The following ADD1 variants were observed in gnomAD, a reference collection of about 807,000 sequenced individuals.
ADD1 encodes the protein adducin 1.
Under a neutral mutation model 80.5 loss-of-function variants are expected in ADD1, and 24 were observed. The observed-to-expected ratio is 0.30, with a 90% CI of 0.22 to 0.42. The LOEUF (loss-of-function observed/expected upper bound fraction) is 0.42. Ranked by LOEUF, ADD1 falls within the 10% of genes least tolerant of loss-of-function variation. The probability of loss-of-function intolerance (pLI) is 1.00; values close to 1 mark genes in which losing one functional copy is unlikely to be tolerated. For synonymous variants in ADD1, 373 were observed against 393.8 expected (o/e 0.95, Z 0.63); for missense variants, 948 against 1,019.0 (o/e 0.93, Z 0.95).
At chr4:2,916,765 T>G (rs762549530) in intron 14 of ADD1, among the ~76,000 whole-genome samples, 2 of 152,196 alleles carry the variant, frequency 1.3e-5, no homozygotes, top group South Asian at 2.1e-4. Context: ...AATCCCCACT[T>G]ATGAGTGAGA....
intron 6 of ADD1, among the ~76,000 whole-genome samples, chr4:2,897,210 C>G (rs1052827610): frequency 1.3e-4 from 20 of 151,880 alleles, no homozygotes; most frequent in Admixed American, 1.3e-3. Flanking sequence ...ATCTTTGAAG[C>G]CTGTTACTTT....
intron 9 of ADD1, among the ~76,000 whole-genome samples, chr4:2,904,095 A>G (rs981057339): frequency 6.6e-6 from 1 of 152,218 alleles, no homozygotes; most frequent in African/African-American, 2.4e-5. Context: ...TAACCTGCAC[A>G]GTGGCTGGCA....
At chr4:2,916,491 G>A (rs1236256198) in intron 14 of ADD1, among the ~76,000 whole-genome samples, 1 of 151,964 alleles carries the variant, frequency 6.6e-6, no homozygotes, top group Non-Finnish European at 1.5e-5. Flanking sequence ...ACTGCGCCCG[G>A]CCCTGAATAT....
intron 1 of ADD1, among the ~76,000 whole-genome samples, chr4:2,871,671 C>T (rs974245423): frequency 6.6e-6 from 1 of 152,216 alleles, no homozygotes; most frequent in African/African-American, 2.4e-5. Flanking sequence ...CTCTAACCTT[C>T]ATCCAGTGTC....
chr4:2,898,677 T>A, intron 8 of ADD1, 146 bp downstream of exon 8: 2 of 713,074 alleles, frequency 2.8e-6, no homozygotes, highest in Non-Finnish European at 4.9e-6. Context: ...TGGGACTTGA[T>A]CAGGACAAAT....
intron 4 of ADD1, among the ~76,000 whole-genome samples, chr4:2,890,685 G>A (rs73189458): frequency 0.15 from 22,351 of 152,114 alleles, 2,261 homozygotes; most frequent in East Asian, 0.48. Context: ...TGGGATTACA[G>A]GCATGAGCCA....
rs571026420 is a variant in ADD1 at position 2,871,964 on chromosome 4, A to G, written c.-20-3932A>G. The stretch of plus-strand genomic sequence containing the variant: ...ACATATTAGTTCTCAGATTTTAAGC[A>G]GAGGAGTGAGTGACATGATCTGACT... On this transcript the variant is annotated intron_variant, in intron 1 of 15. Transcript: ENST00000683351. Among the ~76,000 whole-genome samples the G allele has an allele frequency of 5.3e-5, 8 of 152,350 alleles. No individual in the cohort carries two copies. In the South Asian group the frequency reaches 1.7e-3, roughly 32 times the overall value.
At chr4:2,866,121 G>A (rs1729505778) in intron 1 of ADD1, among the ~76,000 whole-genome samples, 1 of 152,206 alleles carries the variant, frequency 6.6e-6, no homozygotes, top group African/African-American at 2.4e-5. Context: ...TTGTTTAAGA[G>A]TATGCTGATT....
rs185528365 is a variant in ADD1, at chr4:2,909,469, C to T, written c.1791+38C>T. 44 of 1,482,372 alleles carry T rather than the reference C, an allele frequency of 3.0e-5. No homozygotes were observed. The Middle Eastern group carries it at 2.2e-3, about 75-fold the overall frequency. The allele number at this position is 1,482,372 out of a possible 1,614,324, so 91.8% of individuals were successfully genotyped here. On this transcript the variant is annotated intron_variant, in intron 13 of 15. Coordinates refer to ENST00000683351, the MANE Select transcript of ADD1 (RefSeq NM_001354761.2). ...CTGTCCTCACTACCTGTCTATGCGC[C>T]TTGCTCCCCTCCCCTCCCCCCTCCC...
intron 1 of ADD1, among the ~76,000 whole-genome samples, chr4:2,874,106 C>T (rs148635071): frequency 1.4e-3 from 213 of 152,066 alleles, no homozygotes; most frequent in Admixed American, 3.6e-3. Context: ...CTCAGCTATG[C>T]AGGAGGCTGA....
Position 2,928,883 on chromosome 4 carries a change from C to T in ADD1, c.*360C>T, listed in dbSNP as rs1188100062. ...CCTGCCGTCCCTCCTGTTGTGAAAT[C>T]ACCACATTCTGTCTCTGCTTGGCTT... On this transcript the variant is annotated 3_prime_UTR_variant, in exon 16 of 16. Coordinates refer to ENST00000683351, the MANE Select transcript of ADD1 (RefSeq NM_001354761.2). 5.8e-5 allele frequency: 14 copies of T among 242,864 alleles called. No individual in the cohort carries two copies. Among genetic ancestry groups the T allele is most frequent in the African/African-American group, 3.2e-4 (14 of 43,342 alleles). 15.0% of individuals were successfully genotyped at this position (242,864 alleles called of 1,614,324 possible). A position where few individuals can be genotyped will look rare whatever the true frequency, so the allele number is the denominator to read the frequency against.
rs1273607607 is a variant in ADD1 at position 2,852,281 on chromosome 4, CT to C, written c.-21+8261del. Among the ~76,000 whole-genome samples, 59 of 67,472 alleles carry C rather than the reference CT, an allele frequency of 8.7e-4. 1 individual carries two copies. The highest frequency in any genetic ancestry group is 1.8e-3 in the Admixed American group (13 of 7,372). The allele number at this position is 67,472 out of a possible 152,430, so 44.3% of individuals were successfully genotyped here. ...TCTTTCCTTCCTTCCTTCCTTCCTT[CT>C]TTTCTTTTCTTTTCTTTTCTTTTCT... On this transcript the variant is annotated intron_variant, in intron 1 of 15. Transcript: ENST00000683351.
chr4:2,898,826 T>G (rs1033940220), intron 8 of ADD1: 5 of 436,616 alleles, frequency 1.1e-5, no homozygotes. Flanking sequence ...GTGTGTGTCA[T>G]CGCATATGTG....
intron 2 of ADD1, among the ~76,000 whole-genome samples, chr4:2,878,205 A>G (rs189728797): frequency 6.6e-6 from 1 of 152,338 alleles, no homozygotes; most frequent in East Asian, 1.9e-4. Flanking sequence ...GCAGACAGGG[A>G]AAGGACAAAC....
chr4:2,894,523 AAAG>A, intron 5 of ADD1, 56 bp from the exon 6 acceptor site: 26 of 1,503,288 alleles, frequency 1.7e-5, no homozygotes, highest in African/African-American at 8.7e-5. Flanking sequence ...AAAAAAAAAA[AAAG>A]AAAAGAAAAA....
chr4:2,843,863 A>C lies in ADD1; in HGVS notation c.-182A>C, dbSNP rs2108755970. Reference sequence around the variant, plus strand: ...GGCTGCAGCGCCGCAGGCCGCACCCAGGTCGGGCGGTGGGGGCGAGCGGAG... The same window carrying C: ...GGCTGCAGCGCCGCAGGCCGCACCCCGGTCGGGCGGTGGGGGCGAGCGGAG... On this transcript the variant is annotated 5_prime_UTR_variant, in exon 1 of 16. Coordinates refer to ENST00000683351, the MANE Select transcript of ADD1 (RefSeq NM_001354761.2). 6.6e-6 allele frequency: 1 copy of C among 152,408 alleles called. No individual in the cohort carries two copies. The highest frequency in any genetic ancestry group is 1.9e-4 in the East Asian group (1 of 5,172). 9.4% of individuals were successfully genotyped at this position (152,408 alleles called of 1,614,324 possible). A position where few individuals can be genotyped will look rare whatever the true frequency, so the allele number is the denominator to read the frequency against.
chr4:2,894,533 A>T lies in ADD1; in HGVS notation c.592-49A>T, dbSNP rs374284855. The stretch of plus-strand genomic sequence containing the variant: ...CAAAAAAAAAAAAAAAAAGAAAAGA[A>T]AAAATGAAGTCCTCTTGGTATTTTA... On this transcript the variant is annotated intron_variant, in intron 5 of 15. Coordinates refer to ENST00000683351, the MANE Select transcript of ADD1 (RefSeq NM_001354761.2). 1,044 of 1,533,894 alleles carry T rather than the reference A, an allele frequency of 6.8e-4. 2 individuals carry two copies. The highest frequency in any genetic ancestry group is 9.7e-4 in the Middle Eastern group (4 of 4,134).
chr4:2,858,016 G>A (rs913765596), intron 1 of ADD1, among the ~76,000 whole-genome samples: 3 of 151,974 alleles, frequency 2.0e-5, no homozygotes, highest in Non-Finnish European at 4.4e-5. Context: ...TAGGAATATT[G>A]GAAGTAAAGC....
chr4:2,896,906 A>C (rs138925350), intron 6 of ADD1, among the ~76,000 whole-genome samples: 1 of 151,980 alleles, frequency 6.6e-6, no homozygotes, highest in Non-Finnish European at 1.5e-5. Flanking sequence ...CTACAGGTGC[A>C]CGCCACTGCA....
Sources: gnomAD v4.1 joint callset for allele counts (sites outside exome capture counted in the v4.1 genomes callset) on GRCh38, gnomAD v4.1.1 for gene constraint, MANE v1.5 for transcripts, NCBI Gene and HGNC (gene_info 2026-07-23, HGNC 2026-07-21) for gene names.